The following ARNT2 variants were observed in gnomAD, a reference collection of about 807,000 sequenced individuals.
The protein encoded by ARNT2 is ARNT protein 2.
A neutral mutation model predicts 91.7 loss-of-function variants in ARNT2; 36 were observed. The ratio of observed to expected loss-of-function variants is 0.39; its 90% CI spans 0.30 to 0.52. ARNT2 has a LOEUF of 0.52. Among genes scored for constraint, ARNT2 ranks in the 20% least tolerant of loss-of-function variants. The probability of loss-of-function intolerance (pLI) is 0.72; values close to 1 mark genes in which losing one functional copy is unlikely to be tolerated. For synonymous variants in ARNT2, 365 were observed against 347.1 expected (o/e 1.05, Z -0.57); for missense variants, 775 against 939.3 (o/e 0.83, Z 2.29).
chr15:80,589,071 C>T (rs1334323728), intron 17 of ARNT2, among the ~76,000 whole-genome samples: 1 of 152,100 alleles, frequency 6.6e-6, no homozygotes, highest in Non-Finnish European at 1.5e-5. Context: ...AGAAGGAAGG[C>T]CTGACTCAGA....
At chr15:80,482,885 A>G (rs1896910761) in intron 5 of ARNT2, among the ~76,000 whole-genome samples, 1 of 152,216 alleles carries the variant, frequency 6.6e-6, no homozygotes, top group African/African-American at 2.4e-5. Flanking sequence ...TGCATGTTAA[A>G]GTTTGAGAAC....
chr15:80,572,269 C>CA (rs1183629342), intron 12 of ARNT2, among the ~76,000 whole-genome samples: 1 of 152,074 alleles, frequency 6.6e-6, no homozygotes, highest in Non-Finnish European at 1.5e-5. Flanking sequence ...GGCCACACAC[C>CA]ACCTTCTCCT....
At position 80,574,427 on chromosome 15, in the gene ARNT2, C is replaced by G. The variant is rs1424199899; in HGVS notation, c.1389+207C>G. On this transcript the variant is annotated intron_variant, in intron 13 of 18. Coordinates refer to ENST00000303329, the MANE Select transcript of ARNT2 (RefSeq NM_014862.4). ...CTGAGCCATGAAGAATGTGTGAGTA[C>G]CAGGTGAAGAACCAGGGGCCATAGT... Among the ~76,000 whole-genome samples the G allele has an allele frequency of 2.0e-5, 3 of 152,186 alleles. No homozygotes were observed. The East Asian group carries it at 5.8e-4, about 29-fold the overall frequency.
intron 2 of ARNT2, among the ~76,000 whole-genome samples, chr15:80,456,773 T>A (rs1405361606): frequency 6.6e-6 from 1 of 152,180 alleles, no homozygotes; most frequent in Non-Finnish European, 1.5e-5. Flanking sequence ...TGGGTCACCC[T>A]TACTGGGAGG....
At chr15:80,511,965 G>A (rs934059673) in intron 6 of ARNT2, among the ~76,000 whole-genome samples, 15 of 152,196 alleles carry the variant, frequency 9.9e-5, no homozygotes, top group Non-Finnish European at 1.9e-4. Context: ...GATATGGCAT[G>A]TAGGATATAC....
intron 3 of ARNT2, among the ~76,000 whole-genome samples, chr15:80,462,228 A>G (rs1896568959): frequency 6.6e-6 from 1 of 152,118 alleles, no homozygotes; most frequent in African/African-American, 2.4e-5. Context: ...AGGGAGTTCC[A>G]GGACACCTTC....
chr15:80,538,135 A>G lies in ARNT2; in HGVS notation c.878-13064A>G, dbSNP rs150181068. ...TAAAACAAAGAAGTCATGAAATTTT[A>G]TAATATTTAAATATATGAAGCAAAA... is the stretch of plus-strand genomic sequence containing the variant. On this transcript the variant is annotated intron_variant, in intron 8 of 18. Coordinates refer to ENST00000303329, the MANE Select transcript of ARNT2 (RefSeq NM_014862.4). Among the ~76,000 whole-genome samples the G allele has an allele frequency of 7.8e-3, 1,184 of 152,344 alleles. 9 individuals are homozygous for G. Among genetic ancestry groups the G allele is most frequent in the Middle Eastern group, 0.02 (6 of 294 alleles).
chr15:80,475,763 T>G (rs974436028), intron 5 of ARNT2, among the ~76,000 whole-genome samples: 2 of 152,216 alleles, frequency 1.3e-5, no homozygotes, highest in Non-Finnish European at 2.9e-5. Flanking sequence ...CTAGAGGTTG[T>G]CGTTGATATA....
At chr15:80,581,080 G>A (rs775394205) in intron 16 of ARNT2, 159 bp from the exon 17 acceptor site, 32 of 835,680 alleles carry the variant, frequency 3.8e-5, no homozygotes, top group East Asian at 5.3e-5. Flanking sequence ...CTCACACACC[G>A]GGCTGATCCC....
intron 2 of ARNT2, among the ~76,000 whole-genome samples, chr15:80,455,945 C>T (rs936421023): frequency 2.6e-5 from 4 of 152,202 alleles, no homozygotes; most frequent in Admixed American, 1.3e-4. Flanking sequence ...TGTTAAATAA[C>T]CTTCATGTGG....
intron 5 of ARNT2, among the ~76,000 whole-genome samples, chr15:80,475,767 T>C (rs755763163): frequency 1.3e-5 from 2 of 152,204 alleles, no homozygotes; most frequent in Non-Finnish European, 2.9e-5. Flanking sequence ...AGGTTGTCGT[T>C]GATATATTAG....
chr15:80,507,659 G>A (rs556926363), intron 5 of ARNT2, among the ~76,000 whole-genome samples: 4 of 152,316 alleles, frequency 2.6e-5, no homozygotes, highest in Admixed American at 6.5e-5. Context: ...AGAAGGCTGA[G>A]GTTGGAGCCT....
At chr15:80,544,901 A>G (rs1566997543) in intron 8 of ARNT2, among the ~76,000 whole-genome samples, 1 of 152,242 alleles carries the variant, frequency 6.6e-6, no homozygotes. Flanking sequence ...AGAAGAATGT[A>G]TGACTCTAAG....
chr15:80,423,338 G>A (rs1465749878), intron 1 of ARNT2, among the ~76,000 whole-genome samples: 1 of 152,188 alleles, frequency 6.6e-6, no homozygotes, highest in Non-Finnish European at 1.5e-5. Flanking sequence ...GATCTGTGCA[G>A]TGGCAGCATT....
At chr15:80,517,923 A>C (rs1364843412) in intron 8 of ARNT2, among the ~76,000 whole-genome samples, 1 of 152,018 alleles carries the variant, frequency 6.6e-6, no homozygotes, top group Non-Finnish European at 1.5e-5. Flanking sequence ...TTTCCATGAG[A>C]GTTTATAAGT....
chr15:80,520,928 C>G (rs1207144721), intron 8 of ARNT2, among the ~76,000 whole-genome samples: 1 of 152,108 alleles, frequency 6.6e-6, no homozygotes, highest in South Asian at 2.1e-4. Context: ...TCACATTGCT[C>G]TAGTATATTG....
At chr15:80,574,033 A>G (rs1339586149) in intron 12 of ARNT2, 115 bp from the exon 13 acceptor site, 1 of 779,810 alleles carries the variant, frequency 1.3e-6, no homozygotes, top group African/African-American at 1.7e-5. Flanking sequence ...AAAACAATGT[A>G]GAGATCCATC....
intron 5 of ARNT2, among the ~76,000 whole-genome samples, chr15:80,497,023 A>G (rs1387176936): frequency 6.6e-6 from 1 of 152,192 alleles, no homozygotes; most frequent in Non-Finnish European, 1.5e-5. Flanking sequence ...CTGCTTTCAC[A>G]ACGTTTGTAA....
intron 3 of ARNT2, among the ~76,000 whole-genome samples, chr15:80,458,303 G>A (rs1896507518): frequency 6.6e-6 from 1 of 151,950 alleles, no homozygotes; most frequent in African/African-American, 2.4e-5. Context: ...CTTTTAAAAA[G>A]GAATCTATTA....
Sources: allele counts gnomAD v4.1 joint callset (sites outside exome capture counted in the v4.1 genomes callset), GRCh38; gene constraint gnomAD v4.1.1; transcripts MANE v1.5; gene names NCBI Gene and HGNC (gene_info 2026-07-23, HGNC 2026-07-21).